Variants in VPS41 observed in about 807,000 individuals in gnomAD.
VPS41 encodes vacuolar protein sorting-associated protein 41 homolog.
In VPS41, 85 loss-of-function variants were observed where a neutral mutation model predicts 130.9. That is an observed-to-expected ratio of 0.65 (90% CI 0.55 to 0.78). VPS41 has a LOEUF of 0.78. VPS41 is among the 30% of genes least tolerant of loss of function. The pLI is 0.00. For missense variants in VPS41, 874 were observed against 1,018.7 expected (o/e 0.86, Z 1.93); for synonymous variants, 335 against 332.9 (o/e 1.01, Z -0.07).
chr7:38,814,913 T>C (rs79918435), intron 7 of VPS41, among the ~76,000 whole-genome samples: 3,008 of 152,288 alleles, frequency 0.02, 109 homozygotes, highest in African/African-American at 0.067. Context: ...TAGCAGATTA[T>C]TAAGAAGGCA....
At chr7:38,796,579 G>C (rs995673335) in intron 8 of VPS41, 166 bp downstream of exon 8, 25 of 977,886 alleles carry the variant, frequency 2.6e-5, no homozygotes, top group Non-Finnish European at 3.9e-5. Flanking sequence ...AAAGCCAAAA[G>C]CAATCTAATT....
intron 23 of VPS41, 84 bp from the exon 24 acceptor site, chr7:38,743,626 T>A: frequency 6.7e-7 from 1 of 1,489,284 alleles, no homozygotes; most frequent in Non-Finnish European, 9.1e-7. Context: ...TCTTAATTTG[T>A]TTACATAGGT....
chr7:38,859,907 A>G lies in VPS41; in HGVS notation c.246+2638T>C, dbSNP rs534593211. ...TTAAGTTTTGAGTTAACATAAAGCT[A>G]TATCTAGAAATAATCTCAAAAAACC... is the stretch of plus-strand genomic sequence containing the variant. On this transcript the variant is annotated intron_variant, in intron 4 of 28. Coordinates refer to ENST00000310301, the MANE Select transcript of VPS41 (RefSeq NM_014396.4). Among the ~76,000 whole-genome samples, 153 of 152,382 alleles carry G rather than the reference A, an allele frequency of 1.0e-3. 1 individual carries two copies. The highest frequency in any genetic ancestry group is 3.6e-3 in the African/African-American group (150 of 41,598).
intron 21 of VPS41, 53 bp from the exon 22 acceptor site, chr7:38,752,366 C>T: frequency 1.2e-6 from 2 of 1,606,406 alleles, no homozygotes; most frequent in Middle Eastern, 1.7e-4. Context: ...AAAGCAATAC[C>T]TGGCTAACAT....
At chr7:38,785,799 T>G (rs1784427537) in intron 10 of VPS41, among the ~76,000 whole-genome samples, 1 of 152,214 alleles carries the variant, frequency 6.6e-6, no homozygotes, top group South Asian at 2.1e-4. Context: ...TTTGGTTCCC[T>G]TTCCTTAGAA....
intron 22 of VPS41, among the ~76,000 whole-genome samples, chr7:38,748,469 CT>C (rs1300647336): frequency 6.6e-6 from 1 of 151,706 alleles, no homozygotes; most frequent in African/African-American, 2.4e-5. Context: ...CTTTAAATTT[CT>C]TTAATGAAAA....
chr7:38,728,840 T>C (rs553483871), intron 25 of VPS41, 49 bp from the exon 26 acceptor site: 37 of 1,547,344 alleles, frequency 2.4e-5, no homozygotes, highest in Admixed American at 6.7e-5. Context: ...GACTCAAATC[T>C]GAGGGGTGAA....
chr7:38,747,842 G>C (rs1234970477), intron 22 of VPS41, among the ~76,000 whole-genome samples: 1 of 152,178 alleles, frequency 6.6e-6, no homozygotes, highest in African/African-American at 2.4e-5. Flanking sequence ...ATATGCCATA[G>C]AATAGCAAGG....
chr7:38,789,945 T>C (rs1209650401), intron 9 of VPS41, 78 bp from the exon 10 acceptor site: 2 of 1,462,982 alleles, frequency 1.4e-6, no homozygotes, highest in Non-Finnish European at 1.9e-6. Flanking sequence ...ATATGGTATC[T>C]TTGTTAAATT....
Position 38,752,324 on chromosome 7 carries a change from CA to C in VPS41, c.1789-12del. ...AAGCTTATGCAAATACTAAAAGGAA[CA>C]AAAGATAAGCCGTGACCCATTAAAA... is the stretch of plus-strand genomic sequence containing the variant. On this transcript the variant is annotated splice_polypyrimidine_tract_variant and intron_variant, in intron 21 of 28. Coordinates refer to ENST00000310301, the MANE Select transcript of VPS41 (RefSeq NM_014396.4). 1.2e-6 allele frequency: 2 copies of C among 1,613,340 alleles called. No individual in the cohort carries two copies. The highest frequency in any genetic ancestry group is 1.7e-6 in the Non-Finnish European group (2 of 1,179,652).
intron 22 of VPS41, among the ~76,000 whole-genome samples, chr7:38,751,384 C>A (rs1485896093): frequency 6.6e-6 from 1 of 152,170 alleles, no homozygotes; most frequent in Non-Finnish European, 1.5e-5. Context: ...GTATTGAGAA[C>A]TGTAGGACAT....
chr7:38,827,900 T>C (rs1785311583), intron 5 of VPS41, among the ~76,000 whole-genome samples: 1 of 152,108 alleles, frequency 6.6e-6, no homozygotes, highest in African/African-American at 2.4e-5. Context: ...AGACCAGAAC[T>C]AGACATAACT....
In VPS41 at chr7:38,837,723, C is replaced by T. The variant is rs149911440; in HGVS notation, c.247-7395G>A. 8.5e-5 allele frequency among the ~76,000 whole-genome samples: 13 copies of T among 152,136 alleles called. No homozygotes were observed. The East Asian group carries it at 9.7e-4, about 11-fold the overall frequency. On this transcript the variant is annotated intron_variant, in intron 4 of 28. Transcript: ENST00000310301. Reference sequence around the variant, plus strand: ...GAAGTTTGGTTAACTCCAGGTTAGCCGAATATTACTATACTTACAGTATTT... The same window carrying T: ...GAAGTTTGGTTAACTCCAGGTTAGCTGAATATTACTATACTTACAGTATTT...
chr7:38,862,017 T>A (rs1786124318), intron 4 of VPS41, among the ~76,000 whole-genome samples: 1 of 152,184 alleles, frequency 6.6e-6, no homozygotes, highest in South Asian at 2.1e-4. Flanking sequence ...ACATTTGGCA[T>A]CTCAACAAGA....
intron 2 of VPS41, among the ~76,000 whole-genome samples, chr7:38,891,445 G>A (rs1327591244): frequency 1.3e-5 from 2 of 151,994 alleles, no homozygotes; most frequent in African/African-American, 2.4e-5. Flanking sequence ...ATCCTAAATC[G>A]GGAATCAGCA....
At chr7:38,807,054 G>C (rs1467216682) in intron 7 of VPS41, among the ~76,000 whole-genome samples, 1 of 152,196 alleles carries the variant, frequency 6.6e-6, no homozygotes, top group Non-Finnish European at 1.5e-5. Flanking sequence ...ACAGACTGCT[G>C]CTTCTTTACC....
intron 7 of VPS41, among the ~76,000 whole-genome samples, chr7:38,813,158 T>C (rs940415141): frequency 6.6e-6 from 1 of 152,068 alleles, no homozygotes; most frequent in African/African-American, 2.4e-5. Context: ...TAAAACATGA[T>C]AGATCTATAC....
At position 38,752,271 on chromosome 7, in the gene VPS41, G is replaced by A. The variant is rs761915762; in HGVS notation, c.1831C>T (p.Arg611Cys). 7.4e-6 allele frequency: 12 copies of A among 1,613,750 alleles called. No homozygotes were observed. The highest frequency in any genetic ancestry group is 3.3e-5 in the South Asian group (3 of 91,072). The change falls in exon 22 of 29, where the codon CGT (arginine) becomes TGT (cysteine). Residue 611 changes from arginine to cysteine, a missense_variant. Coordinates refer to ENST00000310301, the MANE Select transcript of VPS41 (RefSeq NM_014396.4). Reference sequence around the variant, plus strand: ...AGACTGATCTGTTTTTCATGGTAACGCTGCCCCTTATGGTGGTCTCTCTTG... The same window carrying A: ...AGACTGATCTGTTTTTCATGGTAACACTGCCCCTTATGGTGGTCTCTCTTG... ...LFKRDHHKGQ[R>C]YHEKQISLYA...
At position 38,870,720 on chromosome 7, in the gene VPS41, A is replaced by G. The variant is rs988549057; in HGVS notation, c.61-1467T>C. Reference sequence around the variant, plus strand: ...ACATTGAAGTTAGCAGGGCTTTAAAATAACTATGACTATATGTTCAAAAAA... The same window carrying G: ...ACATTGAAGTTAGCAGGGCTTTAAAGTAACTATGACTATATGTTCAAAAAA... On this transcript the variant is annotated intron_variant, in intron 2 of 28. Transcript: ENST00000310301. Among the ~76,000 whole-genome samples, 6 of 143,544 alleles carry G rather than the reference A, an allele frequency of 4.2e-5. No individual in the cohort carries two copies. The Admixed American group carries it at 4.3e-4, about 10-fold the overall frequency. 94.2% of individuals were successfully genotyped at this position (143,544 alleles called of 152,430 possible). A position where few individuals can be genotyped will look rare whatever the true frequency, so the allele number is the denominator to read the frequency against.
Sources: allele counts gnomAD v4.1 joint callset (sites outside exome capture counted in the v4.1 genomes callset), GRCh38; gene constraint gnomAD v4.1.1; transcripts MANE v1.5; gene names NCBI Gene and HGNC (gene_info 2026-07-23, HGNC 2026-07-21).